The following NOTCH2NLB variants were observed in gnomAD, a reference collection of about 807,000 sequenced individuals.
NOTCH2NLB encodes the protein notch homolog 2 N-terminal-like protein B.
In NOTCH2NLB, 1 loss-of-function variant was observed where a neutral mutation model predicts 14.8. That is an observed-to-expected ratio of 0.07 (90% CI 0.02 to 0.32). NOTCH2NLB has a LOEUF of 0.32. Among genes scored for constraint, NOTCH2NLB ranks in the 10% least tolerant of loss-of-function variants. The pLI, the probability that NOTCH2NLB is intolerant of heterozygous loss-of-function variation, is 1.00. For missense variants in NOTCH2NLB, 11 were observed against 155.0 expected, an observed-to-expected ratio of 0.07 and a Z score of 4.93; for synonymous variants, 6 against 57.5, an observed-to-expected ratio of 0.10 and a Z score of 4.05.
At chr1:148,637,787 C>T (rs1365457122) in intron 2 of NOTCH2NLB, among the ~76,000 whole-genome samples, 4 of 140,384 alleles carry the variant, frequency 2.8e-5, no homozygotes, top group African/African-American at 5.6e-5. Flanking sequence ...GTTCCCCTCC[C>T]TGTGTCCATG....
chr1:148,600,910 CTGA>C, the NOTCH2NLB span, among the ~76,000 whole-genome samples: 4 of 149,530 alleles, frequency 2.7e-5, no homozygotes, highest in Admixed American at 6.6e-5. Flanking sequence ...TGTCAATCAA[CTGA>C]TGATGGATAA....
At chr1:148,670,569 T>C (rs1456369363) in intron 1 of NOTCH2NLB, among the ~76,000 whole-genome samples, 2 of 138,952 alleles carry the variant, frequency 1.4e-5, no homozygotes, top group East Asian at 2.2e-4. Context: ...TATATATATA[T>C]ATATATATAA....
At position 148,610,389 on chromosome 1, in the gene NOTCH2NLB, A is replaced by G. The variant is rs1194144553; in HGVS notation, c.338-2644T>C. 3.0e-3 allele frequency among the ~76,000 whole-genome samples: 382 copies of G among 127,552 alleles called. 21 individuals are homozygous for G. Among genetic ancestry groups the G allele is most frequent in the African/African-American group, 0.011 (328 of 30,126 alleles). The allele number at this position is 127,552 out of a possible 152,430, so 83.7% of individuals were successfully genotyped here. On this transcript the variant is annotated intron_variant, in intron 3 of 4. Coordinates refer to ENST00000593495, the Ensembl canonical transcript of NOTCH2NLB. The stretch of plus-strand genomic sequence containing the variant: ...AGAAAGAAAGAGAAAGAAAGAAAGA[A>G]AGAAAGGGAGAAAGAAAGAAAGAAT...
At chr1:148,703,162 C>T in the NOTCH2NLB span, among the ~76,000 whole-genome samples, 1 of 30,922 alleles carries the variant, frequency 3.2e-5, no homozygotes, top group Non-Finnish European at 5.9e-5. Context: ...TGGTGGCGGG[C>T]GCCTGTAGTC....
chr1:148,679,238 CGGCGGGGAACCCCGGCGGTT>C (rs1475448655), intron 1 of NOTCH2NLB, among the ~76,000 whole-genome samples: 19 of 24,794 alleles, frequency 7.7e-4, no homozygotes, highest in African/African-American at 2.6e-3. Flanking sequence ...GGAGCAGAGG[CGGCGGGGAACCCCGGCGGTT>C]GGCGGGGAAC....
At chr1:148,651,143 A>AG (rs1177695219) in intron 1 of NOTCH2NLB, among the ~76,000 whole-genome samples, 20 of 52,004 alleles carry the variant, frequency 3.8e-4, no homozygotes, top group Middle Eastern at 0.011. Context: ...ACTCTGCCTG[A>AG]GAAAAAAAAA....
chr1:148,610,323 GAGAAAGAAAGAAAGAAAGAAAGAAAGAA>G (rs1294416962), intron 3 of NOTCH2NLB, among the ~76,000 whole-genome samples: 1 of 45,564 alleles, frequency 2.2e-5, no homozygotes, highest in Non-Finnish European at 4.1e-5. Context: ...GAGAAAGAGA[GAGAAAGAAAGAAAGAAAGAAAGAAAGAA>G]AGAAAGAAAG....
intron 3 of NOTCH2NLB, among the ~76,000 whole-genome samples, chr1:148,612,890 G>GAA (rs1291613507): frequency 1.2e-5 from 1 of 83,146 alleles, no homozygotes; most frequent in African/African-American, 4.7e-5. Flanking sequence ...TCTCCATCAG[G>GAA]AAAAAAAAAA....
chr1:148,674,915 A>G (rs1664826429), intron 1 of NOTCH2NLB, among the ~76,000 whole-genome samples: 1 of 129,734 alleles, frequency 7.7e-6, no homozygotes, highest in African/African-American at 2.7e-5. Context: ...TCAATCCAGT[A>G]CAAGTTTGCA....
At chr1:148,673,945 A>G (rs1180439486) in intron 1 of NOTCH2NLB, among the ~76,000 whole-genome samples, 3 of 97,860 alleles carry the variant, frequency 3.1e-5, no homozygotes, top group African/African-American at 6.9e-5. Flanking sequence ...TCTCCATGAG[A>G]ACACCTGAGC....
At chr1:148,698,614 GA>G in the NOTCH2NLB span, among the ~76,000 whole-genome samples, 2 of 81,616 alleles carry the variant, frequency 2.5e-5, no homozygotes, top group Non-Finnish European at 5.4e-5. Flanking sequence ...GTAAGGAGCA[GA>G]AGAATGCACT....
downstream of NOTCH2NLB, among the ~76,000 whole-genome samples, chr1:148,604,932 C>G (rs1663460056): frequency 7.4e-6 from 1 of 135,720 alleles, no homozygotes; most frequent in African/African-American, 2.9e-5. Flanking sequence ...TACTTTTAAA[C>G]ATCTGCACAA....
rs1233084883 is a variant in NOTCH2NLB at position 148,610,284 on chromosome 1, A to AGAAAGAGAGAGG, written c.338-2551_338-2540dup. Among the ~76,000 whole-genome samples, 77 of 115,060 alleles carry AGAAAGAGAGAGG rather than the reference A, an allele frequency of 6.7e-4. 1 individual carries two copies. The highest frequency in any genetic ancestry group is 1.1e-3 in the Non-Finnish European group (63 of 55,512). The allele number at this position is 115,060 out of a possible 152,430, so 75.5% of individuals were successfully genotyped here. On this transcript the variant is annotated intron_variant, in intron 3 of 4. Transcript: ENST00000593495. ...CAACAGAGTGAGAAGAAAGAAAGACAGAAAGAGAGAGGGAAAGAGAGAGAA... is the reference window on the plus strand; with the variant it reads ...CAACAGAGTGAGAAGAAAGAAAGACAGAAAGAGAGAGGGAAAGAGAGAGGGAAAGAGAGAGAA...
At chr1:148,614,872 T>C (rs1331941278) in intron 3 of NOTCH2NLB, among the ~76,000 whole-genome samples, 1 of 10,540 alleles carries the variant, frequency 9.5e-5, no homozygotes, top group African/African-American at 1.8e-4. Context: ...ATACAGACAG[T>C]GAAATTCCCT....
chr1:148,679,578 C>T lies in NOTCH2NLB; in HGVS notation c.-114G>A. The T allele has an allele frequency of 1.8e-6, 2 of 1,115,482 alleles. No individual in the cohort carries two copies. The highest frequency in any genetic ancestry group is 2.3e-6 in the Non-Finnish European group (2 of 865,472). The allele number at this position is 1,115,482 out of a possible 1,614,324, so 69.1% of individuals were successfully genotyped here. ...CGCCGCCGCCGCCTGGGCAGATCCA[C>T]ATGGGGAGGGGGTCCCGATAGAGGA... On this transcript the variant is annotated 5_prime_UTR_variant, in exon 1 of 5. It adds an upstream start codon to the 5' untranslated region. Transcript: ENST00000593495.
chr1:148,637,036 G>A (rs1403919322), intron 2 of NOTCH2NLB, among the ~76,000 whole-genome samples: 2 of 128,956 alleles, frequency 1.6e-5, no homozygotes, highest in Non-Finnish European at 3.2e-5. Flanking sequence ...TTAACAAGTA[G>A]CCAGGGACAG....
chr1:148,627,803 C>A (rs1489626955), intron 2 of NOTCH2NLB, among the ~76,000 whole-genome samples: 2 of 139,592 alleles, frequency 1.4e-5, no homozygotes, highest in Non-Finnish European at 3.1e-5. Context: ...ATTATTAATT[C>A]TCATACTCCC....
At chr1:148,626,162 GT>G (rs1663978941) in intron 2 of NOTCH2NLB, among the ~76,000 whole-genome samples, 1 of 92,528 alleles carries the variant, frequency 1.1e-5, no homozygotes, top group Non-Finnish European at 2.1e-5. Flanking sequence ...AACTAACTAG[GT>G]TATGCTAATT....
At chr1:148,697,171 CT>C in the NOTCH2NLB span, among the ~76,000 whole-genome samples, 1 of 3,386 alleles carries the variant, frequency 3.0e-4, no homozygotes, top group African/African-American at 8.7e-4. Flanking sequence ...CTTCCTTCCT[CT>C]TTATCTTTTA....
Sources: allele counts gnomAD v4.1 joint callset (sites outside exome capture counted in the v4.1 genomes callset), GRCh38; gene constraint gnomAD v4.1.1; transcripts MANE v1.5; gene names NCBI Gene and HGNC (gene_info 2026-07-23, HGNC 2026-07-21).